Variants in DNAH5 observed in about 807,000 individuals in gnomAD.
DNAH5 encodes the protein axonemal beta dynein heavy chain 5.
A neutral mutation model predicts 518.2 loss-of-function variants in DNAH5; 372 were observed. The observed-to-expected ratio is 0.72, with a 90% confidence interval of 0.66 to 0.78. The LOEUF (loss-of-function observed/expected upper bound fraction) is 0.78, where lower values mean the gene tolerates loss of function less well. DNAH5 is among the 30% of genes least tolerant of loss of function. DNAH5 has a pLI of 0.00. For missense variants in DNAH5, 5,523 were observed against 5,687.0 expected, an observed-to-expected ratio of 0.97 and a Z score of 0.93; for synonymous variants, 2,039 against 2,025.9, an observed-to-expected ratio of 1.01 and a Z score of -0.17.
intron 1 of DNAH5, among the ~76,000 whole-genome samples, chr5:14,009,139 G>A (rs558081130): frequency 6.6e-6 from 1 of 152,240 alleles, no homozygotes; most frequent in South Asian, 2.1e-4. Flanking sequence ...TTGTCTGTTT[G>A]TTAAAAGAAA....
At chr5:13,991,835 A>C (rs1783580476) in intron 1 of DNAH5, among the ~76,000 whole-genome samples, 1 of 152,172 alleles carries the variant, frequency 6.6e-6, no homozygotes. Flanking sequence ...CTCAGCACAG[A>C]CTTTAGGCAA....
intron 60 of DNAH5, among the ~76,000 whole-genome samples, chr5:13,760,349 T>C (rs913771574): frequency 2.0e-5 from 3 of 152,222 alleles, no homozygotes; most frequent in African/African-American, 7.2e-5. Flanking sequence ...TGAGCTTCAG[T>C]TTCTTCATTA....
At chr5:14,010,341 G>C (rs1471571435) in intron 1 of DNAH5, among the ~76,000 whole-genome samples, 1 of 152,150 alleles carries the variant, frequency 6.6e-6, no homozygotes, top group Non-Finnish European at 1.5e-5. Context: ...TAGAGGCAAA[G>C]AGCATAGCGC....
chr5:13,829,474 C>G, intron 38 of DNAH5, 36 bp downstream of exon 38: 1 of 1,601,690 alleles, frequency 6.2e-7, no homozygotes, highest in South Asian at 1.1e-5. Context: ...AAAAATGAAA[C>G]ATGCCTAAGT....
At chr5:13,940,701 C>A (rs1175353610) in intron 1 of DNAH5, among the ~76,000 whole-genome samples, 1 of 152,092 alleles carries the variant, frequency 6.6e-6, no homozygotes, top group Middle Eastern at 3.2e-3. Flanking sequence ...ACAAATTGAT[C>A]CTGATGGATT....
intron 75 of DNAH5, among the ~76,000 whole-genome samples, chr5:13,709,998 G>A (rs922796927): frequency 6.6e-6 from 1 of 152,126 alleles, no homozygotes; most frequent in Admixed American, 6.5e-5. Context: ...CCTGACAGGA[G>A]GTCAACCAGC....
intron 58 of DNAH5, 75 bp from the exon 59 acceptor site, chr5:13,766,254 C>G: frequency 6.6e-7 from 1 of 1,510,470 alleles, no homozygotes; most frequent in Non-Finnish European, 9.2e-7. Flanking sequence ...TGTCCAAATG[C>G]TGCTATTTCA....
Position 13,900,222 on chromosome 5 carries a change from T to C in DNAH5, c.2243A>G (p.Asn748Ser). The C allele has an allele frequency of 6.2e-7, 1 of 1,613,894 alleles. No individual in the cohort carries two copies. The stretch of plus-strand genomic sequence containing the variant: ...GTAGTATACCTTCATGTTACTGAAG[T>C]TCCTTTTGTATCTATCTCGTTTCTG... ...LFQKRDRYKR[N>S]FSNMKMMLAE... The change falls in exon 15 of 79, where the codon AAC becomes AGC. Residue 748 changes from asparagine (N) to serine (S), a missense_variant. By Grantham distance (46) the Asn-to-Ser change is conservative. Around this residue, in one of 3 missense-constraint regions of DNAH5, gnomAD observed 5,121 missense variants for 5,223.3 expected, o/e 0.98. Coordinates refer to ENST00000265104, the MANE Select transcript of DNAH5 (RefSeq NM_001369.3).
chr5:13,762,865 C>A lies in DNAH5; in HGVS notation c.10138G>T (p.Glu3380Ter), dbSNP rs1751975175. Reference sequence around the variant, plus strand: ...ATTTCAAAGTAAGGACTCAAAAATTCTATCACCTCTTCATTGATTGTGTCT... The same window carrying A: ...ATTTCAAAGTAAGGACTCAAAAATTATATCACCTCTTCATTGATTGTGTCT... The part of the protein sequence containing the change: ...PKDTINEEVI[E>*]FLSPYFEMPD... The change falls in exon 60 of 79, where the codon GAA becomes TAA. Residue 3380 changes from glutamate (E) to a stop codon, truncating the protein, a stop_gained. Coordinates refer to ENST00000265104, the MANE Select transcript of DNAH5 (RefSeq NM_001369.3). LOFTEE classifies it high-confidence loss of function. 6.2e-7 allele frequency: 1 copy of A among 1,613,848 alleles called. No homozygotes were observed. Among genetic ancestry groups the A allele is most frequent in the African/African-American group, 1.3e-5 (1 of 74,930 alleles).
chr5:13,775,868 C>G (rs867075438), intron 55 of DNAH5, among the ~76,000 whole-genome samples: 2 of 151,760 alleles, frequency 1.3e-5, no homozygotes, highest in African/African-American at 4.8e-5. Context: ...TTGAAAACTA[C>G]TGTCCTGAAT....
chr5:13,808,015 A>G (rs1485995047), intron 46 of DNAH5, among the ~76,000 whole-genome samples: 1 of 152,034 alleles, frequency 6.6e-6, no homozygotes, highest in African/African-American at 2.4e-5. Flanking sequence ...AGATCACCTG[A>G]GGTCAGGAGT....
At chr5:13,961,754 G>T (rs1249112456) in intron 1 of DNAH5, among the ~76,000 whole-genome samples, 1 of 152,140 alleles carries the variant, frequency 6.6e-6, no homozygotes, top group East Asian at 1.9e-4. Context: ...GCCCCTTGGT[G>T]AGATGCCTCC....
At chr5:13,854,555 A>T (rs370914660) in intron 30 of DNAH5, among the ~76,000 whole-genome samples, 1 of 152,362 alleles carries the variant, frequency 6.6e-6, no homozygotes, top group East Asian at 1.9e-4. Context: ...AAATGCCCCA[A>T]TTAAAAGACA....
rs1308554808 is a variant in DNAH5, at chr5:13,718,956, A to G, written c.12425T>C (p.Leu4142Pro). The G allele has an allele frequency of 6.2e-7, 1 of 1,614,038 alleles. No individual in the cohort carries two copies. Among genetic ancestry groups the G allele is most frequent in the Non-Finnish European group, 8.5e-7 (1 of 1,179,976 alleles). The change falls in exon 72 of 79, where the codon CTC becomes CCC. Residue 4142 changes from leucine (L) to proline (P), a missense_variant. Physicochemically the swap from Leu to Pro is moderately conservative, Grantham distance 98. Coordinates refer to ENST00000265104, the MANE Select transcript of DNAH5 (RefSeq NM_001369.3). ...GGCAAATTTAATGGACATCTGAAGG[A>G]GTGTAATGGGAAACTGCTTATGAGC... ...TEAHKQFPITLLQMSIKFAND... is the reference protein window; with the variant it reads ...TEAHKQFPITPLQMSIKFAND...
At chr5:13,750,889 C>A (rs1750117023) in intron 65 of DNAH5, among the ~76,000 whole-genome samples, 189 bp downstream of exon 65, 2 of 151,984 alleles carry the variant, frequency 1.3e-5, no homozygotes, top group Non-Finnish European at 1.5e-5. Context: ...ATTTGTGAAA[C>A]ATATGAGTAG....
chr5:13,978,935 T>C (rs937726823), intron 1 of DNAH5, among the ~76,000 whole-genome samples: 2 of 152,166 alleles, frequency 1.3e-5, no homozygotes, highest in African/African-American at 4.8e-5. Context: ...GTCTGCCACC[T>C]GGTCTCACCA....
At chr5:13,771,765 T>C (rs1753370931) in intron 55 of DNAH5, among the ~76,000 whole-genome samples, 1 of 152,202 alleles carries the variant, frequency 6.6e-6, no homozygotes, top group Admixed American at 6.5e-5. Context: ...GTTAAAATTA[T>C]CACAACCATT....
intron 1 of DNAH5, among the ~76,000 whole-genome samples, chr5:14,002,501 C>T (rs578119819): frequency 1.8e-4 from 27 of 150,614 alleles, no homozygotes; most frequent in African/African-American, 2.2e-4. Flanking sequence ...GTAACTTCAA[C>T]GAGAAAAAAA....
chr5:13,768,459 G>C (rs961040546), intron 58 of DNAH5, among the ~76,000 whole-genome samples: 6 of 152,180 alleles, frequency 3.9e-5, no homozygotes, highest in Admixed American at 2.0e-4. Context: ...TCTTTATACA[G>C]TGTGAACACA....
Sources: allele counts gnomAD v4.1 joint callset (sites outside exome capture counted in the v4.1 genomes callset), GRCh38; gene constraint gnomAD v4.1.1; regional missense constraint gnomAD v4.1.1; transcripts MANE v1.5; gene names NCBI Gene and HGNC (gene_info 2026-07-23, HGNC 2026-07-21).